Variants in CDH12 observed in about 807,000 individuals in gnomAD.
CDH12 encodes cadherin 12, also known as cadherin-12.
CDH12 carries 41 observed loss-of-function variants against 74.1 expected under a neutral mutation model. The ratio of observed to expected loss-of-function variants is 0.55; its 90% CI spans 0.43 to 0.72. The LOEUF is 0.72. CDH12 is among the 30% of genes least tolerant of loss of function. The pLI is 0.00. For synonymous variants in CDH12, 399 were observed against 355.0 expected (o/e 1.12, Z -1.39); for missense variants, 945 against 977.2 (o/e 0.97, Z 0.44).
At chr5:21,823,033 A>G (rs1378301376) in intron 8 of CDH12, among the ~76,000 whole-genome samples, 1 of 152,098 alleles carries the variant, frequency 6.6e-6, no homozygotes, top group Non-Finnish European at 1.5e-5. Context: ...CAGATTATTG[A>G]TATTTGATTC....
At chr5:21,887,918 T>G (rs1752713183) in intron 6 of CDH12, among the ~76,000 whole-genome samples, 1 of 152,010 alleles carries the variant, frequency 6.6e-6, no homozygotes, top group South Asian at 2.1e-4. Context: ...CTGTATTTTT[T>G]TTTTCCCCTT....
chr5:21,887,618 A>G (rs572371926), intron 6 of CDH12, among the ~76,000 whole-genome samples: 7 of 152,162 alleles, frequency 4.6e-5, no homozygotes, highest in Non-Finnish European at 1.0e-4. Context: ...CACTTCTTCC[A>G]ATTGAACATA....
Position 22,306,707 on chromosome 5 carries a change from C to T in CDH12, c.-332-94064G>A, listed in dbSNP as rs890325801. On this transcript the variant is annotated intron_variant, in intron 3 of 14. Coordinates refer to ENST00000382254, the MANE Select transcript of CDH12 (RefSeq NM_004061.5). The stretch of plus-strand genomic sequence containing the variant: ...AATGAGATTTCTGTCTCATTCATAT[C>T]TACAAGCAAGATAAGTAACCTGTTT... 2.6e-5 allele frequency among the ~76,000 whole-genome samples: 4 copies of T among 152,030 alleles called. No individual in the cohort carries two copies. In the South Asian group the frequency reaches 6.2e-4, roughly 24 times the overall value.
chr5:22,176,631 T>C (rs1216732955), intron 4 of CDH12, among the ~76,000 whole-genome samples: 1 of 152,138 alleles, frequency 6.6e-6, no homozygotes, highest in Non-Finnish European at 1.5e-5. Flanking sequence ...CCATTATGAA[T>C]ACTGTATTCC....
At chr5:22,462,397 G>A (rs545583650) in intron 2 of CDH12, among the ~76,000 whole-genome samples, 2 of 152,238 alleles carry the variant, frequency 1.3e-5, no homozygotes, top group Admixed American at 6.5e-5. Context: ...ACCTTTTAGA[G>A]GGCTGTTGGA....
At chr5:22,223,876 C>T (rs528614678) in intron 3 of CDH12, among the ~76,000 whole-genome samples, 1 of 152,004 alleles carries the variant, frequency 6.6e-6, no homozygotes, top group African/African-American at 2.4e-5. Flanking sequence ...AATTGAGCCA[C>T]AAAGAAGGTT....
At chr5:22,777,925 T>C (rs140902324) in intron 1 of CDH12, among the ~76,000 whole-genome samples, 2,966 of 152,036 alleles carry the variant, frequency 0.02, 43 homozygotes, top group Middle Eastern at 0.048. Flanking sequence ...GCAATTCTCC[T>C]CCCCCAGCTT....
At chr5:21,756,412 C>T (rs896042250) in intron 13 of CDH12, among the ~76,000 whole-genome samples, 41 of 152,130 alleles carry the variant, frequency 2.7e-4, no homozygotes, top group African/African-American at 7.9e-4. Flanking sequence ...TTGTTAAAAA[C>T]ATTAAAAATT....
intron 1 of CDH12, among the ~76,000 whole-genome samples, chr5:22,769,606 C>T (rs1172920155): frequency 6.6e-6 from 1 of 151,984 alleles, no homozygotes; most frequent in South Asian, 2.1e-4. Flanking sequence ...ATAAACTCCC[C>T]TTCATATATA....
chr5:22,633,737 C>G (rs1374075383), intron 1 of CDH12, among the ~76,000 whole-genome samples: 2 of 152,182 alleles, frequency 1.3e-5, no homozygotes, highest in African/African-American at 4.8e-5. Flanking sequence ...AATCTTCTCT[C>G]TGGTTCTCAG....
intron 10 of CDH12, among the ~76,000 whole-genome samples, chr5:21,785,932 C>G (rs1746173189): frequency 6.6e-6 from 1 of 152,154 alleles, no homozygotes; most frequent in South Asian, 2.1e-4. Flanking sequence ...CAAGGACACT[C>G]AAAGCTAGAG....
chr5:21,993,425 A>T (rs1324911902), intron 5 of CDH12, among the ~76,000 whole-genome samples: 1 of 152,176 alleles, frequency 6.6e-6, no homozygotes, highest in Non-Finnish European at 1.5e-5. Context: ...TAACCCTATC[A>T]CATGAGACCT....
At chr5:21,880,615 C>T (rs1752253650) in intron 6 of CDH12, among the ~76,000 whole-genome samples, 3 of 84,658 alleles carry the variant, frequency 3.5e-5, no homozygotes, top group African/African-American at 1.4e-4. Context: ...TTCCTTCCTT[C>T]CTTCTTTCTT....
intron 2 of CDH12, among the ~76,000 whole-genome samples, chr5:22,478,999 T>G (rs1746282425): frequency 1.3e-5 from 2 of 152,188 alleles, no homozygotes; most frequent in African/African-American, 4.8e-5. Flanking sequence ...ATGTTCATGT[T>G]TTGGGTTCTT....
At chr5:22,765,913 A>C (rs1371624555) in intron 1 of CDH12, among the ~76,000 whole-genome samples, 1 of 151,934 alleles carries the variant, frequency 6.6e-6, no homozygotes, top group East Asian at 1.9e-4. Context: ...AATATGTAAA[A>C]AAATACGTAC....
chr5:21,873,436 C>T (rs1285698608), intron 6 of CDH12, among the ~76,000 whole-genome samples: 1 of 152,086 alleles, frequency 6.6e-6, no homozygotes, highest in Non-Finnish European at 1.5e-5. Flanking sequence ...TGTGCAGATG[C>T]CTGGAATTGC....
intron 1 of CDH12, among the ~76,000 whole-genome samples, chr5:22,652,854 A>G (rs1003491416): frequency 1.2e-4 from 19 of 152,156 alleles, no homozygotes; most frequent in Admixed American, 1.1e-3. Flanking sequence ...AGAAATTTGA[A>G]TCTCCATAGA....
intron 1 of CDH12, among the ~76,000 whole-genome samples, chr5:22,712,130 C>T (rs1008620383): frequency 1.3e-5 from 2 of 151,740 alleles, no homozygotes; most frequent in African/African-American, 4.8e-5. Context: ...ATCGTTATAC[C>T]TATAACATCA....
Position 22,492,529 on chromosome 5 carries a change from T to C in CDH12, c.-428+12741A>G, listed in dbSNP as rs564407017. Among the ~76,000 whole-genome samples, 9 of 152,014 alleles carry C rather than the reference T, an allele frequency of 5.9e-5. 1 individual carries two copies. Among genetic ancestry groups the C allele is most frequent in the Admixed American group, 2.6e-4 (4 of 15,266 alleles). On this transcript the variant is annotated intron_variant, in intron 2 of 14. Coordinates refer to ENST00000382254, the MANE Select transcript of CDH12 (RefSeq NM_004061.5). ...TCCCCAGCTAATTTTGTATTTTTAG[T>C]AGAGACAGGGTTTCATCATGTTGGT...
Sources: gnomAD v4.1 joint callset for allele counts (sites outside exome capture counted in the v4.1 genomes callset) on GRCh38, gnomAD v4.1.1 for gene constraint, MANE v1.5 for transcripts, NCBI Gene and HGNC (gene_info 2026-07-23, HGNC 2026-07-21) for gene names.